The following CSPP1 variants were observed in gnomAD, a reference collection of about 807,000 sequenced individuals.
The protein encoded by CSPP1 is centrosome and spindle pole associated protein 1.
CSPP1 carries 126 observed loss-of-function variants against 164.4 expected under a neutral mutation model. The ratio of observed to expected loss-of-function variants is 0.77; its 90% CI spans 0.66 to 0.89. The LOEUF (loss-of-function observed/expected upper bound fraction) is 0.89. Ranked by LOEUF, CSPP1 falls within the 40% of genes least tolerant of loss-of-function variation. The pLI is 0.00. For synonymous variants in CSPP1, 472 were observed against 476.7 expected, an observed-to-expected ratio of 0.99 and a Z score of 0.13; for missense variants, 1,395 against 1,449.8, an observed-to-expected ratio of 0.96 and a Z score of 0.61.
At chr8:67,127,849 A>G (rs1340175573) in intron 15 of CSPP1, among the ~76,000 whole-genome samples, 1 of 152,242 alleles carries the variant, frequency 6.6e-6, no homozygotes, top group African/African-American at 2.4e-5. Context: ...TAAAAGTTAG[A>G]TAACTGAGTG....
At chr8:67,157,133 A>G (rs1390251023) in intron 19 of CSPP1, among the ~76,000 whole-genome samples, 4 of 152,172 alleles carry the variant, frequency 2.6e-5, no homozygotes, top group Non-Finnish European at 4.4e-5. Flanking sequence ...TGAATTATAA[A>G]TGATGTTTTC....
At position 67,064,465 on chromosome 8, in the gene CSPP1, G is replaced by A; in HGVS notation, c.-84G>A. The A allele has an allele frequency of 6.2e-7, 1 of 1,613,982 alleles. No individual in the cohort carries two copies. The highest frequency in any genetic ancestry group is 8.5e-7 in the Non-Finnish European group (1 of 1,179,926). ...CCGCGACGATCCTCTAGAGCACTGTGTGTCTCCCCGGACGCGAGCCCGCTC... is the reference window on the plus strand; with the variant it reads ...CCGCGACGATCCTCTAGAGCACTGTATGTCTCCCCGGACGCGAGCCCGCTC... On this transcript the variant is annotated 5_prime_UTR_variant, in exon 1 of 31. It adds an upstream start codon to the 5' untranslated region. Transcript: ENST00000678616.
chr8:67,193,121 GTTT>G (rs1452257321), intron 29 of CSPP1, among the ~76,000 whole-genome samples: 1 of 151,978 alleles, frequency 6.6e-6, no homozygotes. Context: ...TGATTTGCTG[GTTT>G]TTTTCTTTTT....
intron 17 of CSPP1, among the ~76,000 whole-genome samples, chr8:67,146,116 ACTTTT>A (rs1407571160): frequency 6.9e-6 from 1 of 145,000 alleles, no homozygotes; most frequent in African/African-American, 2.6e-5. Context: ...AAGAGAATAT[ACTTTT>A]CTTTTTTTTT....
intron 4 of CSPP1, among the ~76,000 whole-genome samples, chr8:67,091,577 C>G (rs1811617043): frequency 6.6e-6 from 1 of 152,042 alleles, no homozygotes; most frequent in Non-Finnish European, 1.5e-5. Flanking sequence ...AAATTAAGGC[C>G]TGATTTTCCC....
At chr8:67,134,241 G>A (rs930678114) in intron 16 of CSPP1, 1 of 152,168 alleles carries the variant, frequency 6.6e-6, no homozygotes, top group Non-Finnish European at 1.5e-5. Context: ...GGCAACTATA[G>A]CTTTATGAAA....
rs567056052 is a variant in CSPP1, at chr8:67,097,338, C to G, written c.923+1606C>G. ...CTTCTACATTCTGTAGCTGTTATGT[C>G]CTCACACAATATTTTTAATATTTAC... On this transcript the variant is annotated intron_variant, in intron 7 of 30. Transcript: ENST00000678616. Among the ~76,000 whole-genome samples the G allele has an allele frequency of 5.3e-5, 8 of 152,204 alleles. No individual in the cohort carries two copies. The South Asian group carries it at 1.7e-3, about 32-fold the overall frequency.
intron 24 of CSPP1, among the ~76,000 whole-genome samples, chr8:67,164,981 T>A (rs1207049969): frequency 6.6e-6 from 1 of 152,150 alleles, no homozygotes; most frequent in African/African-American, 2.4e-5. Flanking sequence ...TTGGGGTAAT[T>A]TTGATTATAA....
At chr8:67,187,830 C>G (rs902225484) in intron 28 of CSPP1, among the ~76,000 whole-genome samples, 1 of 152,172 alleles carries the variant, frequency 6.6e-6, no homozygotes, top group East Asian at 1.9e-4. Context: ...AACAGGACAT[C>G]TGCATGTGAA....
At chr8:67,156,498 T>A (rs900729969) in intron 19 of CSPP1, among the ~76,000 whole-genome samples, 38 of 152,244 alleles carry the variant, frequency 2.5e-4, no homozygotes, top group African/African-American at 8.4e-4. Flanking sequence ...GATGATTTTT[T>A]AATTTTTCTT....
At chr8:67,159,483 GGT>G (rs1827304646) in intron 21 of CSPP1, among the ~76,000 whole-genome samples, 1 of 136,850 alleles carries the variant, frequency 7.3e-6, no homozygotes, top group Non-Finnish European at 1.6e-5. Flanking sequence ...AAGTGAGAGT[GGT>G]TTATATATAT....
At chr8:67,070,096 C>T (rs1229693797) in intron 1 of CSPP1, among the ~76,000 whole-genome samples, 1 of 152,048 alleles carries the variant, frequency 6.6e-6, no homozygotes, top group East Asian at 1.9e-4. Flanking sequence ...TTGTTTTAAA[C>T]ATGAAAACTT....
intron 4 of CSPP1, among the ~76,000 whole-genome samples, chr8:67,090,655 G>A (rs1296953968): frequency 1.3e-5 from 2 of 152,124 alleles, no homozygotes; most frequent in Non-Finnish European, 2.9e-5. Context: ...TGAATACAAC[G>A]CTATTGTAGT....
At chr8:67,067,485 CAA>C (rs1240608834) in intron 1 of CSPP1, among the ~76,000 whole-genome samples, 1 of 151,436 alleles carries the variant, frequency 6.6e-6, no homozygotes, top group African/African-American at 2.4e-5. Context: ...GTTTTTGAGA[CAA>C]GAGTCTCGCT....
chr8:67,176,536 A>T (rs768843317), intron 26 of CSPP1, among the ~76,000 whole-genome samples: 1 of 152,178 alleles, frequency 6.6e-6, no homozygotes, highest in South Asian at 2.1e-4. Context: ...AGCAGTAGGT[A>T]TATCATCTGG....
intron 21 of CSPP1, among the ~76,000 whole-genome samples, chr8:67,160,655 T>G (rs1405485522): frequency 1.3e-5 from 2 of 151,918 alleles, no homozygotes; most frequent in Non-Finnish European, 2.9e-5. Flanking sequence ...TTTCTGAAAT[T>G]AACATTGCTA....
chr8:67,161,861 A>G lies in CSPP1; in HGVS notation c.2589A>G (p.Ala863=), dbSNP rs752734986. ...TTCCTGCTCTTCAGAACAAAATTGC[A>G]AGCAAACTCCAAAGACCTCCTTCAG... The part of the protein sequence containing the change: ...PIVPALQNKI[A]SKLQRPPSVD... Residue 863 remains alanine, a synonymous_variant, in exon 22 of 31, where the codon GCA becomes GCG. Coordinates refer to ENST00000678616, the MANE Select transcript of CSPP1 (RefSeq NM_001382391.1). The G allele has an allele frequency of 8.1e-6, 13 of 1,613,696 alleles. No homozygotes were observed. Among genetic ancestry groups the G allele is most frequent in the Middle Eastern group, 1.6e-4 (1 of 6,082 alleles).
intron 24 of CSPP1, among the ~76,000 whole-genome samples, chr8:67,167,034 G>C (rs1217844496): frequency 6.6e-6 from 1 of 152,148 alleles, no homozygotes; most frequent in Non-Finnish European, 1.5e-5. Flanking sequence ...AGAGCACCGG[G>C]TTGGGGGTAA....
At chr8:67,065,585 T>C (rs1387073987) in intron 1 of CSPP1, 4 of 808,544 alleles carry the variant, frequency 4.9e-6, no homozygotes, top group Middle Eastern at 6.3e-4. Context: ...GGTCGCTAGC[T>C]TTCTGGTGAT....
Sources: gnomAD v4.1 joint callset for allele counts (sites outside exome capture counted in the v4.1 genomes callset) on GRCh38, gnomAD v4.1.1 for gene constraint, MANE v1.5 for transcripts, NCBI Gene and HGNC (gene_info 2026-07-23, HGNC 2026-07-21) for gene names.